The following LDHB variants were observed in gnomAD, a reference collection of about 807,000 sequenced individuals.
The protein encoded by LDHB is L-lactate dehydrogenase B chain.
A neutral mutation model predicts 33.4 loss-of-function variants in LDHB; 18 were observed. The ratio of observed to expected loss-of-function variants is 0.54; its 90% CI spans 0.37 to 0.80. The LOEUF is 0.80. Among genes scored for constraint, LDHB ranks in the 30% least tolerant of loss-of-function variants. The probability of loss-of-function intolerance (pLI) is 0.00; values close to 1 mark genes in which losing one functional copy is unlikely to be tolerated. For missense variants in LDHB, 345 were observed against 407.9 expected (o/e 0.85, Z 1.33); for synonymous variants, 121 against 140.6 (o/e 0.86, Z 0.98).
intron 5 of LDHB, among the ~76,000 whole-genome samples, chr12:21,641,601 G>A (rs1205032999): frequency 6.6e-6 from 1 of 152,146 alleles, no homozygotes; most frequent in Non-Finnish European, 1.5e-5. Flanking sequence ...AATGGACTCT[G>A]GATTAGATAA....
chr12:21,638,069 T>C (rs752302925), intron 6 of LDHB, among the ~76,000 whole-genome samples: 29 of 152,020 alleles, frequency 1.9e-4, no homozygotes, highest in Non-Finnish European at 4.0e-4. Context: ...ATCAACCTTA[T>C]TTGTTGAGAG....
At chr12:21,644,632 AAGGAAGTGTGT>A (rs1938473275) in intron 3 of LDHB, among the ~76,000 whole-genome samples, 1 of 152,040 alleles carries the variant, frequency 6.6e-6, no homozygotes, top group Non-Finnish European at 1.5e-5. Context: ...TTTTTTTCTT[AAGGAAGTGTGT>A]CCTTTTTCGA....
rs1938448293 is a variant in LDHB, at chr12:21,644,092, G to A, written c.264C>T (p.Ala88=). The change falls in exon 4 of 8, where the codon GCC becomes GCT. Residue 88 remains alanine (A), a synonymous_variant. Coordinates refer to ENST00000350669, the MANE Select transcript of LDHB (RefSeq NM_002300.8). ...CAGTTACCACTACAATCTTAGAATTGGCAGTCACAGAATAATCTTTAAAAA... is the reference window on the plus strand; with the variant it reads ...CAGTTACCACTACAATCTTAGAATTAGCAGTCACAGAATAATCTTTAAAAA... ...IVADKDYSVT[A]NSKIVVVTAG... is the part of the protein sequence containing the mutation. The A allele has an allele frequency of 6.2e-7, 1 of 1,612,776 alleles. No homozygotes were observed.
chr12:21,651,187 G>A (rs1938679156), intron 2 of LDHB, among the ~76,000 whole-genome samples: 1 of 152,234 alleles, frequency 6.6e-6, no homozygotes, highest in Admixed American at 6.5e-5. Flanking sequence ...TGCTGCCTTG[G>A]TGTGTATGGT....
chr12:21,642,239 T>G (rs1168104093), intron 4 of LDHB, 114 bp from the exon 5 acceptor site: 4 of 733,216 alleles, frequency 5.5e-6, no homozygotes, highest in Non-Finnish European at 7.3e-6. Context: ...AAATGAGATG[T>G]GGCCAGAAAG....
At chr12:21,654,432 G>T in intron 2 of LDHB, 111 bp downstream of exon 2, 1 of 1,017,082 alleles carries the variant, frequency 9.8e-7, no homozygotes, top group Non-Finnish European at 1.5e-6. Flanking sequence ...ACTTCAAATT[G>T]CTCAGGAAAA....
At chr12:21,645,709 T>A (rs534360928) in intron 3 of LDHB, among the ~76,000 whole-genome samples, 1 of 152,164 alleles carries the variant, frequency 6.6e-6, no homozygotes, top group Non-Finnish European at 1.5e-5. Context: ...ATTACCCTAT[T>A]GTCCAGCCAC....
intron 5 of LDHB, among the ~76,000 whole-genome samples, chr12:21,639,943 T>C (rs938166035): frequency 2.6e-5 from 4 of 151,994 alleles, no homozygotes; most frequent in African/African-American, 9.7e-5. Flanking sequence ...CAAGAACAAA[T>C]TCTTATAGCA....
Position 21,654,651 on chromosome 12 carries a change from T to C in LDHB, c.21A>G (p.Lys7=). 7 of 1,613,882 alleles carry C rather than the reference T, an allele frequency of 4.3e-6. No individual in the cohort carries two copies. The South Asian group carries it at 5.5e-5, about 13-fold the overall frequency. The change falls in exon 2 of 8, where the codon AAA becomes AAG. Residue 7 remains lysine (K), a synonymous_variant. Coordinates refer to ENST00000350669, the MANE Select transcript of LDHB (RefSeq NM_002300.8). MATLKE[K]LIAPVAEEEA... Reference sequence around the variant, plus strand: ...CTTCTTCCGCAACTGGTGCAATGAGTTTTTCCTTAAGAGTTGCCATTTTGC... The same window carrying C: ...CTTCTTCCGCAACTGGTGCAATGAGCTTTTCCTTAAGAGTTGCCATTTTGC...
chr12:21,641,928 A>AT (rs747197663), intron 5 of LDHB, 24 bp downstream of exon 5: 3 of 1,585,834 alleles, frequency 1.9e-6, no homozygotes, highest in African/African-American at 1.4e-5. Flanking sequence ...ATCACAAGTA[A>AT]TTATTTCTTT....
intron 4 of LDHB, among the ~76,000 whole-genome samples, chr12:21,642,562 C>T (rs889362211): frequency 6.6e-6 from 1 of 151,966 alleles, no homozygotes; most frequent in Non-Finnish European, 1.5e-5. Context: ...CTTGCTACCA[C>T]AAATTTTTCT....
rs769429947 is a variant in LDHB, at chr12:21,641,939, T to A, written c.595+13A>T. 8.1e-6 allele frequency: 13 copies of A among 1,602,984 alleles called. No individual in the cohort carries two copies. Among genetic ancestry groups the A allele is most frequent in the African/African-American group, 4.0e-5 (3 of 74,312 alleles). On this transcript the variant is annotated intron_variant, in intron 5 of 7. Transcript: ENST00000350669. The stretch of plus-strand genomic sequence containing the variant: ...CAACATCACAAGTAATTATTTCTTT[T>A]TTTTTTCTTTACCACTTGAGTCGCC...
At chr12:21,637,419 T>C (rs1938248978) in intron 6 of LDHB, 2 of 416,734 alleles carry the variant, frequency 4.8e-6, no homozygotes, top group Non-Finnish European at 8.6e-6. Flanking sequence ...TTGATAACTT[T>C]AGTTTATTGT....
Position 21,642,020 on chromosome 12 carries a change from G to T in LDHB, c.527C>A (p.Ala176Asp). 6.2e-7 allele frequency: 1 copy of T among 1,613,496 alleles called. No individual in the cohort carries two copies. The highest frequency in any genetic ancestry group is 8.5e-7 in the Non-Finnish European group (1 of 1,179,714). ...LDSARFRYLM[A>D]EKLGIHPSSC... ...GCTGGGATGAATGCCAAGTTTTTCAGCCATAAGGTAGCGAAATCTAGCAGA... is the reference window on the plus strand; with the variant it reads ...GCTGGGATGAATGCCAAGTTTTTCATCCATAAGGTAGCGAAATCTAGCAGA... The change falls in exon 5 of 8, where the codon GCT becomes GAT. Residue 176 changes from alanine (A) to aspartate (D), a missense_variant. Coordinates refer to ENST00000350669, the MANE Select transcript of LDHB (RefSeq NM_002300.8).
chr12:21,640,340 C>T (rs1005871831), intron 5 of LDHB, among the ~76,000 whole-genome samples: 60 of 25,206 alleles, frequency 2.4e-3, no homozygotes, highest in Middle Eastern at 0.05. Flanking sequence ...TGTCTGAACA[C>T]GAAGCACTAA....
At chr12:21,643,659 T>TA (rs984985276) in intron 4 of LDHB, 1 of 415,828 alleles carries the variant, frequency 2.4e-6, no homozygotes, top group Non-Finnish European at 4.3e-6. Context: ...ATAATCTTTA[T>TA]AAAAAAGTTT....
chr12:21,648,253 C>A (rs1053105422), intron 2 of LDHB, among the ~76,000 whole-genome samples: 1 of 152,078 alleles, frequency 6.6e-6, no homozygotes, highest in South Asian at 2.1e-4. Context: ...GTTAAAAATG[C>A]CAATACAGTC....
rs1297640277 is a variant in LDHB, at chr12:21,650,131, C to T, written c.130-3115G>A. 2.2e-3 allele frequency among the ~76,000 whole-genome samples: 322 copies of T among 147,868 alleles called. 9 individuals are homozygous for T. The highest frequency in any genetic ancestry group is 0.014 in the Middle Eastern group (4 of 284). On this transcript the variant is annotated intron_variant, in intron 2 of 7. Transcript: ENST00000350669. ...ACACACACACACACACACACACACA[C>T]ACACACACACACACACACACGTCTC...
chr12:21,649,282 A>G (rs1938613908), intron 2 of LDHB, among the ~76,000 whole-genome samples: 1 of 152,180 alleles, frequency 6.6e-6, no homozygotes, highest in African/African-American at 2.4e-5. Context: ...TGAGAAGTGC[A>G]TATTCGGCTG....
Sources: allele counts gnomAD v4.1 joint callset (sites outside exome capture counted in the v4.1 genomes callset), GRCh38; gene constraint gnomAD v4.1.1; transcripts MANE v1.5; gene names NCBI Gene and HGNC (gene_info 2026-07-23, HGNC 2026-07-21).